The following DZANK1 variants were observed in gnomAD, a reference collection of about 807,000 sequenced individuals.
The protein encoded by DZANK1 is double zinc ribbon and ankyrin repeat-containing protein 1.
DZANK1 carries 91 observed loss-of-function variants against 94.5 expected under a neutral mutation model. The observed-to-expected ratio is 0.96, with a 90% CI of 0.81 to 1.15. The LOEUF (loss-of-function observed/expected upper bound fraction) is 1.15, where lower values mean the gene tolerates loss of function less well. Among genes scored for constraint, DZANK1 ranks in the 50% most tolerant of loss-of-function variants. The pLI is 0.00. For missense variants in DZANK1, 903 were observed against 916.4 expected (o/e 0.99, Z 0.19); for synonymous variants, 312 against 325.3 (o/e 0.96, Z 0.44).
intron 8 of DZANK1, among the ~76,000 whole-genome samples, chr20:18,435,534 G>A (rs971832829): frequency 6.6e-6 from 1 of 152,154 alleles, no homozygotes; most frequent in African/African-American, 2.4e-5. Context: ...TCATAAGTGG[G>A]AGTTGAACAA....
intron 10 of DZANK1, among the ~76,000 whole-genome samples, chr20:18,422,122 G>T (rs545414698): frequency 6.6e-6 from 1 of 151,958 alleles, no homozygotes; most frequent in Non-Finnish European, 1.5e-5. Flanking sequence ...GGTCATATCC[G>T]AAAAAAATCA....
At chr20:18,450,281 T>C (rs2059054082) in intron 6 of DZANK1, among the ~76,000 whole-genome samples, 1 of 152,140 alleles carries the variant, frequency 6.6e-6, no homozygotes, top group Non-Finnish European at 1.5e-5. Context: ...CTGGGTGTAG[T>C]GGCTCACATT....
At chr20:18,466,929 C>T (rs1357349873) in intron 1 of DZANK1, 67 bp downstream of exon 1, 1 of 152,820 alleles carries the variant, frequency 6.5e-6, no homozygotes, top group South Asian at 2.0e-4. Context: ...TTCCTCTAAC[C>T]GCGGGGCCCG....
intron 19 of DZANK1, among the ~76,000 whole-genome samples, chr20:18,386,980 C>A (rs535049086): frequency 6.6e-6 from 1 of 152,210 alleles, no homozygotes; most frequent in African/African-American, 2.4e-5. Context: ...AAAGACATAC[C>A]CAAGATTGGG....
In DZANK1 at chr20:18,460,369, C is replaced by T. The variant is rs888299538; in HGVS notation, c.110-63G>A. On this transcript the variant is annotated intron_variant, in intron 2 of 20. Coordinates refer to ENST00000262547, the Ensembl canonical transcript of DZANK1. Reference sequence around the variant, plus strand: ...AAAGTAGCAAGTCCCTGAATAATGCCTATAGGTCAGTTTAAGATCTAAGTG... The same window carrying T: ...AAAGTAGCAAGTCCCTGAATAATGCTTATAGGTCAGTTTAAGATCTAAGTG... 7.7e-5 allele frequency: 93 copies of T among 1,202,286 alleles called. No individual in the cohort carries two copies. In the Middle Eastern group the frequency reaches 1.9e-3, roughly 25 times the overall value. The allele number at this position is 1,202,286 out of a possible 1,614,324, so 74.5% of individuals were successfully genotyped here.
intron 19 of DZANK1, among the ~76,000 whole-genome samples, chr20:18,385,621 T>C (rs764939044): frequency 1.3e-5 from 2 of 152,156 alleles, no homozygotes; most frequent in Non-Finnish European, 2.9e-5. Context: ...TTTCACTGTG[T>C]TAGCCAGGAT....
chr20:18,439,275 A>G (rs1231405601), intron 8 of DZANK1, among the ~76,000 whole-genome samples: 1 of 152,178 alleles, frequency 6.6e-6, no homozygotes, highest in African/African-American at 2.4e-5. Context: ...GCGTTCAAGG[A>G]AGACTTATGA....
intron 9 of DZANK1, among the ~76,000 whole-genome samples, chr20:18,427,833 G>A (rs2148569956): frequency 6.6e-6 from 1 of 152,268 alleles, no homozygotes; most frequent in Admixed American, 6.5e-5. Context: ...CTTAGAAATA[G>A]AAGAAGTGAA....
At chr20:18,442,912 T>C (rs1287149539) in intron 8 of DZANK1, among the ~76,000 whole-genome samples, 2 of 152,220 alleles carry the variant, frequency 1.3e-5, no homozygotes, top group East Asian at 3.8e-4. Flanking sequence ...CCAAAGCTTT[T>C]AAATTTAAAT....
chr20:18,446,538 A>T (rs191048371), intron 7 of DZANK1, among the ~76,000 whole-genome samples: 1 of 152,356 alleles, frequency 6.6e-6, no homozygotes, highest in African/African-American at 2.4e-5. Context: ...TATGCTAGAA[A>T]AGAAGAAAGA....
At chr20:18,404,981 G>A (rs1008062744) in intron 13 of DZANK1, among the ~76,000 whole-genome samples, 5 of 150,762 alleles carry the variant, frequency 3.3e-5, no homozygotes, top group Non-Finnish European at 5.9e-5. Context: ...ATTGCTTGAG[G>A]CCAGGAGTTT....
At position 18,390,472 on chromosome 20, in the gene DZANK1, A is replaced by C; in HGVS notation, c.1810-13T>G. 1 of 1,613,058 alleles carries C rather than the reference A, an allele frequency of 6.2e-7. No individual in the cohort carries two copies. Among genetic ancestry groups the C allele is most frequent in the South Asian group, 1.1e-5 (1 of 91,054 alleles). On this transcript the variant is annotated splice_polypyrimidine_tract_variant and intron_variant, in intron 17 of 20. Transcript: ENST00000262547. ...GTCTGTTTTCAGGCTGCAGGATTAC[A>C]GAATGTGGTCATTTCCCCCACTTCA...
At chr20:18,418,348 C>T (rs145905100) in intron 10 of DZANK1, among the ~76,000 whole-genome samples, 2,174 of 152,224 alleles carry the variant, frequency 0.014, 23 homozygotes, top group Middle Eastern at 0.044. Context: ...CAGAAAGAAA[C>T]AAGAAAGAGA....
chr20:18,403,777 T>G (rs2056807259), intron 13 of DZANK1, among the ~76,000 whole-genome samples: 2 of 150,790 alleles, frequency 1.3e-5, no homozygotes, highest in Admixed American at 6.6e-5. Context: ...CAACACAGAT[T>G]CATAAACTAA....
chr20:18,394,444 A>T (rs1030203584), intron 15 of DZANK1, 94 bp from the exon 16 acceptor site: 3 of 1,205,186 alleles, frequency 2.5e-6, no homozygotes, highest in Admixed American at 4.0e-5. Context: ...CCTCCTTATT[A>T]AGTACAGCTC....
intron 6 of DZANK1, among the ~76,000 whole-genome samples, chr20:18,451,604 T>C (rs1404463202): frequency 6.6e-6 from 1 of 152,190 alleles, no homozygotes; most frequent in African/African-American, 2.4e-5. Context: ...CTCTCCCATA[T>C]GTGAACTTGC....
At position 18,416,313 on chromosome 20, in the gene DZANK1, G is replaced by A. The variant is rs761219940; in HGVS notation, c.955-864C>T. On this transcript the variant is annotated intron_variant, in intron 10 of 20. Transcript: ENST00000262547. ...TCAGACGATTACCCACAGTTAAGTG[G>A]ATAGGAATGCTTAGCACAGGGCCAA... 3.3e-5 allele frequency among the ~76,000 whole-genome samples: 5 copies of A among 152,182 alleles called. No individual in the cohort carries two copies. The East Asian group carries it at 9.6e-4, about 29-fold the overall frequency.
chr20:18,422,774 G>A (rs2057844632), intron 10 of DZANK1, among the ~76,000 whole-genome samples: 2 of 148,810 alleles, frequency 1.3e-5, no homozygotes, highest in South Asian at 4.3e-4. Context: ...AGTAGCTCAG[G>A]AAGTGTGATG....
rs1400700707 is a variant in DZANK1, at chr20:18,440,120, C to T, written c.747+3227G>A. ...GCCGTCTGAAAGCTGAGGAGAGAAGCCTCACCAGAAACCAAACCTGCTGGC... is the reference window on the plus strand; with the variant it reads ...GCCGTCTGAAAGCTGAGGAGAGAAGTCTCACCAGAAACCAAACCTGCTGGC... On this transcript the variant is annotated intron_variant, in intron 8 of 20. Coordinates refer to ENST00000262547, the Ensembl canonical transcript of DZANK1. Among the ~76,000 whole-genome samples the T allele has an allele frequency of 2.0e-5, 3 of 152,256 alleles. 1 individual carries two copies. The South Asian group carries it at 6.2e-4, about 32-fold the overall frequency.
Sources: gnomAD v4.1 joint callset for allele counts (sites outside exome capture counted in the v4.1 genomes callset) on GRCh38, gnomAD v4.1.1 for gene constraint, MANE v1.5 for transcripts, NCBI Gene and HGNC (gene_info 2026-07-23, HGNC 2026-07-21) for gene names.